CATSPERE: variants seen among roughly 807,000 people sequenced by gnomAD.
The protein encoded by CATSPERE is catsper channel auxiliary subunit epsilon, also known as cation channel sperm-associated auxiliary subunit epsilon.
A neutral mutation model predicts 114.1 loss-of-function variants in CATSPERE; 93 were observed. The observed-to-expected ratio is 0.81, with a 90% CI of 0.69 to 0.97. The LOEUF is 0.97. Among genes scored for constraint, CATSPERE ranks in the 50% least tolerant of loss-of-function variants. The pLI, the probability that CATSPERE is intolerant of heterozygous loss-of-function variation, is 0.00. For synonymous variants in CATSPERE, 341 were observed against 384.1 expected, an observed-to-expected ratio of 0.89 and a Z score of 1.31; for missense variants, 1,058 against 1,131.6, an observed-to-expected ratio of 0.93 and a Z score of 0.93.
intron 10 of CATSPERE, among the ~76,000 whole-genome samples, chr1:244,571,492 T>G (rs559369464): frequency 6.6e-6 from 1 of 152,304 alleles, no homozygotes; most frequent in East Asian, 1.9e-4. Context: ...AGTTACCCAC[T>G]ATGACCCACT....
chr1:244,506,391 A>C (rs1674815108), intron 7 of CATSPERE, among the ~76,000 whole-genome samples: 1 of 152,162 alleles, frequency 6.6e-6, no homozygotes, highest in South Asian at 2.1e-4. Flanking sequence ...CCTGCTTTAA[A>C]AACTTTTGGG....
At chr1:244,469,436 T>C (rs1311012245) in intron 2 of CATSPERE, among the ~76,000 whole-genome samples, 2 of 152,192 alleles carry the variant, frequency 1.3e-5, no homozygotes, top group East Asian at 1.9e-4. Context: ...TTCTGAATTA[T>C]TTTGAAACTA....
rs757029022 is a variant in CATSPERE, at chr1:244,518,694, A to AG, written c.536+1dup. ...TTATTCTTCAAATGAGAAAATGAGA[A>AG]GGGGGTATTTAATTTTTTTTAATTT... On this transcript the variant is annotated frameshift_variant, in exon 8 of 22. Transcript: ENST00000366534. LOFTEE classifies it high-confidence loss of function. 2 of 1,470,434 alleles carry AG rather than the reference A, an allele frequency of 1.4e-6. No individual in the cohort carries two copies. Among genetic ancestry groups the AG allele is most frequent in the South Asian group, 1.3e-5 (1 of 77,026 alleles). 91.1% of individuals were successfully genotyped at this position (1,470,434 alleles called of 1,614,324 possible). A position where few individuals can be genotyped will look rare whatever the true frequency, so the allele number is the denominator to read the frequency against.
intron 10 of CATSPERE, among the ~76,000 whole-genome samples, chr1:244,561,901 C>T (rs140463245): frequency 2.8e-4 from 42 of 152,126 alleles, no homozygotes; most frequent in Non-Finnish European, 5.7e-4. Flanking sequence ...CTTCTAATGC[C>T]AGCACTTTGG....
At position 244,640,003 on chromosome 1, in the gene CATSPERE, C is replaced by T. The variant is rs553297331; in HGVS notation, c.2778C>T (p.Tyr926=). The change falls in exon 22 of 22, where the codon TAC becomes TAT. Residue 926 remains tyrosine (Y), a synonymous_variant. Coordinates refer to ENST00000366534, the MANE Select transcript of CATSPERE (RefSeq NM_001130957.2). ...TCTTCACTATTCTTGTTTTGAGCTA[C>T]TTTCGGTACATGAGGATTTATAGAC... is the stretch of plus-strand genomic sequence containing the variant. ...LLFFTILVLS[Y]FRYMRIYRRY... The T allele has an allele frequency of 1.3e-6, 2 of 1,550,352 alleles. No individual in the cohort carries two copies. The highest frequency in any genetic ancestry group is 2.7e-5 in the African/African-American group (2 of 72,910).
At chr1:244,588,818 C>G (rs917274537) in intron 14 of CATSPERE, among the ~76,000 whole-genome samples, 3 of 152,270 alleles carry the variant, frequency 2.0e-5, no homozygotes, top group African/African-American at 7.2e-5. Context: ...TTCACAGTTG[C>G]CTCTCTCAAC....
chr1:244,557,582 T>TATATATATATAG (rs1661844658), intron 9 of CATSPERE, among the ~76,000 whole-genome samples: 1 of 108,112 alleles, frequency 9.2e-6, no homozygotes, highest in African/African-American at 3.6e-5. Flanking sequence ...TATATATATA[T>TATATATATATAG]AAAATCTCCC....
intron 20 of CATSPERE, among the ~76,000 whole-genome samples, chr1:244,621,228 A>AATATATCTATATAGATATATCTATATAG (rs1672269944): frequency 6.0e-5 from 1 of 16,750 alleles, no homozygotes; most frequent in Non-Finnish European, 1.3e-4. Flanking sequence ...TATTTATATA[A>AATATATCTATATAGATATATCTATATAG]ATATATTTAT....
At chr1:244,457,692 A>C (rs1666283862), upstream of CATSPERE, 1 of 152,218 alleles carries the variant, frequency 6.6e-6, no homozygotes, top group Non-Finnish European at 1.5e-5. Flanking sequence ...CCAGTGTTTT[A>C]AACCTTTGAT....
At chr1:244,484,725 C>A (rs1417336309) in intron 5 of CATSPERE, among the ~76,000 whole-genome samples, 2 of 152,182 alleles carry the variant, frequency 1.3e-5, no homozygotes, top group Admixed American at 6.5e-5. Context: ...ACAGACCTAT[C>A]ATTTCTTTGC....
Position 244,612,061 on chromosome 1 carries a change from G to A in CATSPERE, c.2490+1735G>A, listed in dbSNP as rs183069408. On this transcript the variant is annotated intron_variant, in intron 19 of 21. Coordinates refer to ENST00000366534, the MANE Select transcript of CATSPERE (RefSeq NM_001130957.2). The stretch of plus-strand genomic sequence containing the variant: ...GTTTCAGAGCAATTGAAATAGTAGC[G>A]TACAGTCTAGAAAGACTCTGGAGTG... Among the ~76,000 whole-genome samples the A allele has an allele frequency of 7.2e-5, 11 of 152,206 alleles. No individual in the cohort carries two copies. The East Asian group carries it at 2.1e-3, about 29-fold the overall frequency.
At position 244,545,378 on chromosome 1, in the gene CATSPERE, C is replaced by T. The variant is rs146698291; in HGVS notation, c.537-6944C>T. 9.9e-5 allele frequency among the ~76,000 whole-genome samples: 15 copies of T among 152,240 alleles called. No individual in the cohort carries two copies. The East Asian group carries it at 2.9e-3, about 29-fold the overall frequency. Reference sequence around the variant, plus strand: ...TTATGCTGGGCCATTTCCCAGGTAGCCCAAAAAGCTGTGAGTTTTCAGTGG... The same window carrying T: ...TTATGCTGGGCCATTTCCCAGGTAGTCCAAAAAGCTGTGAGTTTTCAGTGG... On this transcript the variant is annotated intron_variant, in intron 8 of 21. Coordinates refer to ENST00000366534, the MANE Select transcript of CATSPERE (RefSeq NM_001130957.2).
intron 8 of CATSPERE, among the ~76,000 whole-genome samples, chr1:244,520,837 A>G (rs977019984): frequency 6.6e-6 from 1 of 152,232 alleles, no homozygotes; most frequent in Non-Finnish European, 1.5e-5. Flanking sequence ...CAAAAAATAC[A>G]TATAGAACTT....
At chr1:244,489,857 A>G (rs948478178) in intron 5 of CATSPERE, among the ~76,000 whole-genome samples, 5 of 152,134 alleles carry the variant, frequency 3.3e-5, no homozygotes, top group African/African-American at 9.7e-5. Flanking sequence ...AAGAAAAAAA[A>G]ATGAGGGAGG....
chr1:244,489,018 GCACTGACTTTTAGAGA>G (rs1473034180), intron 5 of CATSPERE, among the ~76,000 whole-genome samples: 1 of 152,138 alleles, frequency 6.6e-6, no homozygotes, highest in Non-Finnish European at 1.5e-5. Context: ...TAGTCATGAG[GCACTGACTTTTAGAGA>G]TGATAAATGC....
Position 244,610,085 on chromosome 1 carries a change from C to G in CATSPERE, c.2404-155C>G, listed in dbSNP as rs4658644. ...CAACACAAGATCAATATACAAAAAT[C>G]AATTGTCAATTATTCCTCTGTATAC... On this transcript the variant is annotated intron_variant, in intron 18 of 21. Transcript: ENST00000366534. Among the ~76,000 whole-genome samples the G allele has an allele frequency of 3.3e-3, 501 of 152,280 alleles. 7 individuals are homozygous for G. The highest frequency in any genetic ancestry group is 0.029 in the Admixed American group (441 of 15,296).
chr1:244,490,289 G>C (rs760367711), intron 5 of CATSPERE, among the ~76,000 whole-genome samples, 158 bp from the exon 6 acceptor site: 1 of 152,060 alleles, frequency 6.6e-6, no homozygotes, highest in Admixed American at 6.6e-5. Flanking sequence ...ATAGACATGT[G>C]ATTTTTTGTT....
At chr1:244,518,461 T>C (rs986361155) in intron 7 of CATSPERE, 131 bp from the exon 8 acceptor site, 1 of 602,902 alleles carries the variant, frequency 1.7e-6, no homozygotes, top group Non-Finnish European at 2.9e-6. Context: ...AGCTGAATCT[T>C]GAGCACATGG....
intron 7 of CATSPERE, among the ~76,000 whole-genome samples, chr1:244,501,861 C>G (rs72767891): frequency 0.051 from 7,793 of 152,152 alleles, 222 homozygotes; most frequent in Non-Finnish European, 0.064. Context: ...CTGCCTCTGC[C>G]CCTCTTCTCT....
Sources: allele counts gnomAD v4.1 joint callset (sites outside exome capture counted in the v4.1 genomes callset), GRCh38; gene constraint gnomAD v4.1.1; transcripts MANE v1.5; gene names NCBI Gene and HGNC (gene_info 2026-07-23, HGNC 2026-07-21).